The following TTC28 variants were observed in gnomAD, a reference collection of about 807,000 sequenced individuals.
TTC28 encodes tetratricopeptide repeat protein 28.
A neutral mutation model predicts 198.0 loss-of-function variants in TTC28; 61 were observed. The observed-to-expected ratio is 0.31, with a 90% CI of 0.25 to 0.38. The LOEUF (loss-of-function observed/expected upper bound fraction) is 0.38. TTC28 is among the 10% of genes least tolerant of loss of function. The pLI, the probability that TTC28 is intolerant of heterozygous loss-of-function variation, is 1.00. For missense variants in TTC28, 2,678 were observed against 3,164.0 expected, an observed-to-expected ratio of 0.85 and a Z score of 3.69; for synonymous variants, 1,171 against 1,297.8, an observed-to-expected ratio of 0.90 and a Z score of 2.10.
At chr22:28,583,296 A>C (rs905629990) in intron 2 of TTC28, among the ~76,000 whole-genome samples, 1 of 152,174 alleles carries the variant, frequency 6.6e-6, no homozygotes, top group Non-Finnish European at 1.5e-5. Context: ...AGAAACTGAA[A>C]TTTTTTCTTC....
chr22:28,324,248 T>C (rs1398705619), intron 2 of TTC28, among the ~76,000 whole-genome samples: 1 of 151,884 alleles, frequency 6.6e-6, no homozygotes, highest in African/African-American at 2.4e-5. Context: ...GCCCAGGAGT[T>C]CAAGACCAGC....
At chr22:28,622,371 A>T (rs1201953289) in intron 2 of TTC28, among the ~76,000 whole-genome samples, 2 of 152,174 alleles carry the variant, frequency 1.3e-5, no homozygotes, top group Non-Finnish European at 2.9e-5. Context: ...ACAAAACACA[A>T]AATATTTGAA....
At chr22:28,246,618 T>G (rs1930116631) in intron 5 of TTC28, among the ~76,000 whole-genome samples, 1 of 152,192 alleles carries the variant, frequency 6.6e-6, no homozygotes, top group Non-Finnish European at 1.5e-5. Context: ...ATTACCTCAC[T>G]GAATCCTCAT....
In TTC28 at chr22:27,983,546, G is replaced by T; in HGVS notation, c.6121C>A (p.Leu2041Met). The change falls in exon 23 of 23, where the codon CTG becomes ATG. Residue 2041 changes from leucine to methionine, a missense_variant. This residue lies in a region of TTC28 where 622 missense variants were observed against 656.0 expected (regional missense o/e 0.95). Coordinates refer to ENST00000397906, the MANE Select transcript of TTC28 (RefSeq NM_001145418.2). ...LQRSTLPRSQ[L>M]PPQTRPAGNK... ...CCTGCAGGGCGGGTCTGGGGAGGCA[G>T]CTGGCTCCTAGGCAGGGTGGATCTC... 6.4e-7 allele frequency: 1 copy of T among 1,551,340 alleles called. No homozygotes were observed. Among genetic ancestry groups the T allele is most frequent in the South Asian group, 1.2e-5 (1 of 84,030 alleles).
At chr22:27,991,093 A>C (rs1472006802) in intron 19 of TTC28, among the ~76,000 whole-genome samples, 3 of 152,034 alleles carry the variant, frequency 2.0e-5, no homozygotes, top group African/African-American at 7.2e-5. Flanking sequence ...GAAAGAGCAC[A>C]GCGGGCGTTT....
chr22:28,048,452 C>A (rs564981300), intron 12 of TTC28, among the ~76,000 whole-genome samples: 149 of 151,746 alleles, frequency 9.8e-4, no homozygotes, highest in African/African-American at 3.6e-3. Context: ...ATAATTAAGA[C>A]GAAAGAATGA....
chr22:28,361,455 A>G (rs997531708), intron 2 of TTC28, among the ~76,000 whole-genome samples: 2 of 152,158 alleles, frequency 1.3e-5, no homozygotes, highest in African/African-American at 4.8e-5. Flanking sequence ...AACCCTAACT[A>G]TTCAGTTCTA....
intron 5 of TTC28, among the ~76,000 whole-genome samples, chr22:28,204,901 A>T (rs79602881): frequency 1.3e-3 from 197 of 152,318 alleles, no homozygotes; most frequent in African/African-American, 4.5e-3. Flanking sequence ...GTAGCAGTAA[A>T]TATACTTTAT....
chr22:28,437,900 A>C (rs1354946465), intron 2 of TTC28, among the ~76,000 whole-genome samples: 1 of 152,186 alleles, frequency 6.6e-6, no homozygotes, highest in African/African-American at 2.4e-5. Context: ...ATTTGCAATA[A>C]ATCCAGCAAG....
intron 2 of TTC28, among the ~76,000 whole-genome samples, chr22:28,504,830 C>A (rs568789489): frequency 1.4e-4 from 21 of 151,974 alleles, no homozygotes; most frequent in African/African-American, 5.1e-4. Context: ...AGAGATTTAG[C>A]GGTGAAATAA....
Position 28,108,083 on chromosome 22 carries a change from G to A in TTC28, c.1762C>T (p.Arg588Ter). The A allele has an allele frequency of 2.6e-6, 4 of 1,551,618 alleles. No individual in the cohort carries two copies. Among genetic ancestry groups the A allele is most frequent in the Non-Finnish European group, 2.6e-6 (3 of 1,146,982 alleles). Residue 588 changes from arginine to a stop codon, truncating the protein, a stop_gained, in exon 7 of 23, where the codon CGA (arginine) becomes TGA (stop). Coordinates refer to ENST00000397906, the MANE Select transcript of TTC28 (RefSeq NM_001145418.2). LOFTEE classifies it high-confidence loss of function. Reference protein sequence around the residue: ...QNHLNIARELRDIQSEARALS... With the variant: ...QNHLNIAREL Reference sequence around the variant, plus strand: ...GCCCGGGCCTCGCTCTGGATGTCTCGTAGCTCCCGGGCGATGTTCAAGTGG... The same window carrying A: ...GCCCGGGCCTCGCTCTGGATGTCTCATAGCTCCCGGGCGATGTTCAAGTGG...
intron 15 of TTC28, chr22:28,001,130 C>A: frequency 2.1e-6 from 1 of 477,162 alleles, no homozygotes; most frequent in Non-Finnish European, 3.8e-6. Context: ...AGCAAAGAAA[C>A]TTAGACATGA....
chr22:28,022,421 G>A (rs193042449), intron 13 of TTC28, among the ~76,000 whole-genome samples: 136 of 152,308 alleles, frequency 8.9e-4, no homozygotes, highest in African/African-American at 2.8e-3. Flanking sequence ...TCTTTATTGC[G>A]CATATTCACC....
At position 28,107,568 on chromosome 22, in the gene TTC28, G is replaced by C. The variant is rs1942347095; in HGVS notation, c.2277C>G (p.Ala759=). The C allele has an allele frequency of 1.3e-6, 2 of 1,551,646 alleles. No individual in the cohort carries two copies. Among genetic ancestry groups the C allele is most frequent in the Non-Finnish European group, 1.7e-6 (2 of 1,147,028 alleles). ...GGATCATTCGGTATGCAGTGCCCAGGGCTGCATATGCACTGGCTTCTAATC... is the reference window on the plus strand; with the variant it reads ...GGATCATTCGGTATGCAGTGCCCAGCGCTGCATATGCACTGGCTTCTAATC... The part of the protein sequence containing the change: ...DRRLEASAYA[A]LGTAYRMIQK... Residue 759 remains alanine (A), a synonymous_variant, in exon 7 of 23, where the codon GCC becomes GCG. Transcript: ENST00000397906.
At chr22:28,089,548 A>C (rs911094149) in intron 12 of TTC28, among the ~76,000 whole-genome samples, 1 of 151,504 alleles carries the variant, frequency 6.6e-6, no homozygotes, top group Non-Finnish European at 1.5e-5. Context: ...TAGCATTAGG[A>C]GATATACCTA....
intron 12 of TTC28, among the ~76,000 whole-genome samples, chr22:28,083,237 A>G (rs1320177975): frequency 6.6e-6 from 1 of 152,196 alleles, no homozygotes; most frequent in African/African-American, 2.4e-5. Flanking sequence ...ATACACATAC[A>G]GATCCAGAGC....
chr22:28,639,290 GA>G (rs1487913510), intron 1 of TTC28, among the ~76,000 whole-genome samples: 1 of 152,098 alleles, frequency 6.6e-6, no homozygotes, highest in Non-Finnish European at 1.5e-5. Context: ...GATATAGATA[GA>G]AAAAAATCAA....
At chr22:28,406,675 T>C (rs758767622) in intron 2 of TTC28, among the ~76,000 whole-genome samples, 5 of 152,206 alleles carry the variant, frequency 3.3e-5, no homozygotes, top group Non-Finnish European at 7.3e-5. Context: ...AGTCTCTAAA[T>C]TTCAAAATTT....
intron 2 of TTC28, among the ~76,000 whole-genome samples, chr22:28,404,997 G>A (rs1465908903): frequency 6.6e-6 from 1 of 152,114 alleles, no homozygotes; most frequent in Non-Finnish European, 1.5e-5. Flanking sequence ...GTGTTGTTGA[G>A]ACAAGAGATT....
Sources: gnomAD v4.1 joint callset for allele counts (sites outside exome capture counted in the v4.1 genomes callset) on GRCh38, gnomAD v4.1.1 for gene constraint, gnomAD v4.1.1 regional missense constraint, MANE v1.5 for transcripts, NCBI Gene and HGNC (gene_info 2026-07-23, HGNC 2026-07-21) for gene names.